Variants in SASH1 observed in about 807,000 individuals in gnomAD.
SASH1 encodes the protein SAM and SH3 domain containing 1.
In SASH1, 44 loss-of-function variants were observed where a neutral mutation model predicts 125.2. The ratio of observed to expected loss-of-function variants is 0.35; its 90% CI spans 0.28 to 0.45. The LOEUF (loss-of-function observed/expected upper bound fraction) is 0.45, where lower values mean the gene tolerates loss of function less well. Among genes scored for constraint, SASH1 ranks in the 20% least tolerant of loss-of-function variants. SASH1 has a pLI of 1.00. For synonymous variants in SASH1, 639 were observed against 649.1 expected, an observed-to-expected ratio of 0.98 and a Z score of 0.24; for missense variants, 1,426 against 1,614.5, an observed-to-expected ratio of 0.88 and a Z score of 2.00.
At chr6:148,340,662 A>C (rs761798692), upstream of SASH1, among the ~76,000 whole-genome samples, 1 of 152,206 alleles carries the variant, frequency 6.6e-6, no homozygotes, top group Non-Finnish European at 1.5e-5. Flanking sequence ...ATTTTTATTC[A>C]AAGTATCACA....
Position 148,544,810 on chromosome 6 carries a change from T to C in SASH1, c.3340T>C (p.Ser1114Pro). 2 of 1,586,344 alleles carry C rather than the reference T, an allele frequency of 1.3e-6. No homozygotes were observed. The highest frequency in any genetic ancestry group is 1.7e-6 in the Non-Finnish European group (2 of 1,165,622). The change falls in exon 18 of 20, where the codon TCT becomes CCT. Residue 1114 changes from serine (S) to proline (P), a missense_variant. This residue lies in a region of SASH1 where 634 missense variants were observed against 694.4 expected (regional missense o/e 0.91). Coordinates refer to ENST00000367467, the MANE Select transcript of SASH1 (RefSeq NM_015278.5). The surrounding 1 kb of genome is among the most constrained non-coding windows in gnomAD (Gnocchi z 6.4). ...EGIDLTEEPY[S>P]DKHGRCGIPE... ...CATCGATCTCACGGAGGAGCCGTAT[T>C]CTGATAAGGTATCAAAGGTCCTGGG...
At chr6:148,261,870 G>T in the SASH1 span, among the ~76,000 whole-genome samples, 4 of 152,148 alleles carry the variant, frequency 2.6e-5, no homozygotes, top group African/African-American at 9.7e-5. Flanking sequence ...CATGGTGGGG[G>T]ATGGGCTTGG....
chr6:148,283,867 A>T (rs1057098397), intron 1 of SASH1, among the ~76,000 whole-genome samples: 3 of 152,130 alleles, frequency 2.0e-5, no homozygotes, highest in African/African-American at 7.2e-5. Flanking sequence ...CTGGTCTTAC[A>T]ATAGATGGAG....
the SASH1 span, among the ~76,000 whole-genome samples, chr6:148,234,693 G>A: frequency 0.023 from 3,458 of 152,158 alleles, 136 homozygotes; most frequent in African/African-American, 0.079. Context: ...CAGGCGTGGT[G>A]GCAGACACCT....
intron 1 of SASH1, among the ~76,000 whole-genome samples, chr6:148,317,487 C>A (rs1030194725): frequency 4.6e-5 from 7 of 152,204 alleles, no homozygotes; most frequent in Non-Finnish European, 1.0e-4. Flanking sequence ...TGCAATGGCA[C>A]GACCTCGGCT....
At chr6:148,389,079 T>C (rs1783593619) in intron 1 of SASH1, among the ~76,000 whole-genome samples, 1 of 152,182 alleles carries the variant, frequency 6.6e-6, no homozygotes, top group Non-Finnish European at 1.5e-5. Flanking sequence ...TTCAGGTATG[T>C]TTTTAGGAAT....
rs1368868545 is a variant in SASH1 at position 148,513,884 on chromosome 6, C to G, written c.730-440C>G. The stretch of plus-strand genomic sequence containing the variant: ...TCGGGGGAGGGCTGGAAAAAGCCAA[C>G]AGAATTTTGGTTTGGAGAAGTAGTT... On this transcript the variant is annotated intron_variant, in intron 8 of 19. Coordinates refer to ENST00000367467, the MANE Select transcript of SASH1 (RefSeq NM_015278.5). 7 of 986,154 alleles carry G rather than the reference C, an allele frequency of 7.1e-6. No homozygotes were observed. The South Asian group carries it at 2.3e-4, about 33-fold the overall frequency. 61.1% of individuals were successfully genotyped at this position (986,154 alleles called of 1,614,324 possible). A position where few individuals can be genotyped will look rare whatever the true frequency, so the allele number is the denominator to read the frequency against.
At chr6:148,528,482 C>A (rs1465254219) in intron 12 of SASH1, among the ~76,000 whole-genome samples, 1 of 152,216 alleles carries the variant, frequency 6.6e-6, no homozygotes, top group Non-Finnish European at 1.5e-5. Context: ...GAGCTAAAAC[C>A]AAGCATCGCC....
the SASH1 span, among the ~76,000 whole-genome samples, chr6:148,247,441 T>C: frequency 6.6e-6 from 1 of 152,214 alleles, no homozygotes; most frequent in Admixed American, 6.5e-5. Context: ...CCTGACGCTG[T>C]GATGGCAGAA....
chr6:148,206,826 CACACAA>C, the SASH1 span, among the ~76,000 whole-genome samples: 38 of 151,722 alleles, frequency 2.5e-4, no homozygotes, highest in Non-Finnish European at 2.9e-5. Context: ...CACACACACA[CACACAA>C]ATTAACATAA....
chr6:148,476,241 A>G (rs531182513), intron 7 of SASH1, among the ~76,000 whole-genome samples: 5 of 151,726 alleles, frequency 3.3e-5, no homozygotes, highest in Non-Finnish European at 7.4e-5. Context: ...TCTATAATGA[A>G]AACAATAAAA....
At chr6:148,307,024 TTTTCTTTC>T (rs55686327) in intron 1 of SASH1, among the ~76,000 whole-genome samples, 16,079 of 120,318 alleles carry the variant, frequency 0.13, 1,135 homozygotes, top group East Asian at 0.18. Flanking sequence ...TTTCTCTTTC[TTTTCTTTC>T]TTTCTTTCTT....
chr6:148,387,098 T>C (rs1431533549), intron 1 of SASH1, among the ~76,000 whole-genome samples: 4 of 147,524 alleles, frequency 2.7e-5, no homozygotes, highest in Non-Finnish European at 4.5e-5. Context: ...TCTCTCTCTC[T>C]CCTTCCTTTC....
chr6:148,390,649 G>T (rs1360170502), intron 2 of SASH1, among the ~76,000 whole-genome samples: 1 of 152,018 alleles, frequency 6.6e-6, no homozygotes, highest in Non-Finnish European at 1.5e-5. Flanking sequence ...TTAGCCGGGC[G>T]TGGTGATGGG....
chr6:148,322,960 TCC>T lies in SASH1; in HGVS notation n.74+50585_74+50586del, dbSNP rs879884886. On this transcript the variant is annotated intron_variant and non_coding_transcript_variant, in intron 1 of 3. Transcript: ENST00000367469. ...TTTCCTTCCTTCCTTCCTCCCTCCC[TCC>T]CTCTCTACTTCCCTCCCTCCCTTTC... Among the ~76,000 whole-genome samples the T allele has an allele frequency of 2.4e-4, 34 of 144,256 alleles. 1 individual carries two copies. Among genetic ancestry groups the T allele is most frequent in the East Asian group, 1.2e-3 (6 of 4,808 alleles). 94.6% of individuals were successfully genotyped at this position (144,256 alleles called of 152,430 possible).
chr6:148,323,883 T>C (rs1780718533), intron 1 of SASH1, among the ~76,000 whole-genome samples: 1 of 151,836 alleles, frequency 6.6e-6, no homozygotes, highest in Non-Finnish European at 1.5e-5. Context: ...TCCCAGCACT[T>C]TGGGAGGCCG....
At chr6:148,447,218 G>A (rs1055573305) in intron 4 of SASH1, among the ~76,000 whole-genome samples, 3 of 152,028 alleles carry the variant, frequency 2.0e-5, no homozygotes, top group Non-Finnish European at 4.4e-5. Context: ...TTCATTATCT[G>A]TGGCTACACT....
chr6:148,492,678 A>C (rs1385979054), intron 8 of SASH1, among the ~76,000 whole-genome samples: 1 of 151,902 alleles, frequency 6.6e-6, no homozygotes, highest in Non-Finnish European at 1.5e-5. Context: ...AAAATTAGCC[A>C]GATGTGGTGG....
At chr6:148,202,788 T>C in the SASH1 span, among the ~76,000 whole-genome samples, 1 of 152,056 alleles carries the variant, frequency 6.6e-6, no homozygotes, top group East Asian at 1.9e-4. Context: ...ATTCTGTCTC[T>C]ACTAAAAATA....
Sources: gnomAD v4.1 joint callset for allele counts (sites outside exome capture counted in the v4.1 genomes callset) on GRCh38, gnomAD v4.1.1 for gene constraint, gnomAD v4.1.1 regional missense constraint, Gnocchi (gnomAD v3.1) non-coding constraint, MANE v1.5 for transcripts, NCBI Gene and HGNC (gene_info 2026-07-23, HGNC 2026-07-21) for gene names.